Variants in ADRA1A observed in about 807,000 individuals in gnomAD.
ADRA1A encodes adrenoceptor alpha 1A.
In ADRA1A, 31 loss-of-function variants were observed where a neutral mutation model predicts 29.6. The ratio of observed to expected loss-of-function variants is 1.05; its 90% CI spans 0.79 to 1.41. ADRA1A has a LOEUF of 1.41. Ranked by LOEUF, ADRA1A falls within the 40% of genes most tolerant of loss-of-function variation. The probability of loss-of-function intolerance (pLI) is 0.00; values close to 1 mark genes in which losing one functional copy is unlikely to be tolerated. For missense variants in ADRA1A, 619 were observed against 601.1 expected (o/e 1.03, Z -0.31); for synonymous variants, 311 against 254.3 (o/e 1.22, Z -2.12).
At chr8:26,849,388 A>G (rs539144) in intron 2 of ADRA1A, among the ~76,000 whole-genome samples, 107,248 of 152,130 alleles carry the variant, frequency 0.7, 38,204 homozygotes, top group African/African-American at 0.78. Flanking sequence ...GTCAGCAGAC[A>G]AAGGAGGTTC....
At chr8:26,827,664 A>AT (rs1192219042) in intron 2 of ADRA1A, among the ~76,000 whole-genome samples, 3 of 146,254 alleles carry the variant, frequency 2.1e-5, no homozygotes, top group Non-Finnish European at 3.0e-5. Flanking sequence ...CAATTTATTT[A>AT]TTTTTTCTTA....
intron 2 of ADRA1A, among the ~76,000 whole-genome samples, chr8:26,832,373 G>C (rs964853535): frequency 6.6e-6 from 1 of 152,072 alleles, no homozygotes; most frequent in African/African-American, 2.4e-5. Flanking sequence ...TAGGTATAAA[G>C]GGACCTCTGT....
At chr8:26,802,311 T>C (rs1808642318) in intron 2 of ADRA1A, among the ~76,000 whole-genome samples, 1 of 152,132 alleles carries the variant, frequency 6.6e-6, no homozygotes, top group South Asian at 2.1e-4. Context: ...TGAGAAAATC[T>C]TTGCAAACTA....
chr8:26,867,331 C>T (rs1247791605), upstream of ADRA1A: 2 of 985,350 alleles, frequency 2.0e-6, no homozygotes, highest in South Asian at 4.7e-5. Context: ...TATTACTCTA[C>T]GGCAACAGGC....
At chr8:26,753,703 AT>A (rs11316182), downstream of ADRA1A, among the ~76,000 whole-genome samples, 4,111 of 152,302 alleles carry the variant, frequency 0.027, 178 homozygotes, top group African/African-American at 0.093. Context: ...TTTGCAAACT[AT>A]TACAATCTAC....
chr8:26,812,927 A>G (rs1809513861), intron 2 of ADRA1A, among the ~76,000 whole-genome samples: 1 of 151,860 alleles, frequency 6.6e-6, no homozygotes, highest in Non-Finnish European at 1.5e-5. Context: ...TGGCCTCCCA[A>G]AGTGCTGGGA....
At chr8:26,855,014 T>C (rs913031002) in intron 2 of ADRA1A, among the ~76,000 whole-genome samples, 1 of 152,186 alleles carries the variant, frequency 6.6e-6, no homozygotes, top group African/African-American at 2.4e-5. Flanking sequence ...AATCTGTTGG[T>C]ACATTGAGCT....
rs1034501258 is a variant in ADRA1A, at chr8:26,867,016, C to T, written c.-767G>A. The T allele has an allele frequency of 1.3e-5, 13 of 985,244 alleles. No individual in the cohort carries two copies. The highest frequency in any genetic ancestry group is 4.8e-6 in the Non-Finnish European group (4 of 829,998). 61.0% of individuals were successfully genotyped at this position (985,244 alleles called of 1,614,324 possible). On this transcript the variant is annotated 5_prime_UTR_variant, in exon 1 of 3. Transcript: ENST00000380573. ...CGGTCCCGGGAGCTGCCTGCCTGCT[C>T]TTCTCTGGAGGCGGAGAGGGGACCG...
At chr8:26,801,457 TCTATATGCCAACAGCAAACAGTTTGAA>T in intron 2 of ADRA1A, among the ~76,000 whole-genome samples, 1 of 152,252 alleles carries the variant, frequency 6.6e-6, no homozygotes, top group South Asian at 2.1e-4. Flanking sequence ...CAGCAGCATT[TCTATATGCCAACAGCAAACAGTTTGAA>T]AAAGATATTT....
At position 26,865,449 on chromosome 8, in the gene ADRA1A, G is replaced by A; in HGVS notation, c.-480C>T. The stretch of plus-strand genomic sequence containing the variant: ...TCTCCCTCAAACCAAAAGATCAGCC[G>A]TCGACGCTCAAAGGCAGGGACCGAT... On this transcript the variant is annotated 5_prime_UTR_variant, in exon 2 of 3. In the 5' UTR this introduces an upstream ATG that the reference lacks. Transcript: ENST00000380573. This position sits in a 1 kb window ranked among gnomAD's most constrained non-coding sequence, Gnocchi z 7.6. The A allele has an allele frequency of 8.0e-6, 8 of 1,002,062 alleles. No individual in the cohort carries two copies. The highest frequency in any genetic ancestry group is 9.5e-6 in the Non-Finnish European group (8 of 840,102). The allele number at this position is 1,002,062 out of a possible 1,614,324, so 62.1% of individuals were successfully genotyped here.
intron 2 of ADRA1A, chr8:26,859,006 C>T: frequency 8.3e-7 from 1 of 1,203,312 alleles, no homozygotes; most frequent in Admixed American, 3.4e-5. Flanking sequence ...ACAGGAAGGA[C>T]CTTTGCAGTC....
intron 2 of ADRA1A, among the ~76,000 whole-genome samples, chr8:26,862,352 A>G (rs1027486392): frequency 6.6e-6 from 1 of 152,036 alleles, no homozygotes; most frequent in Non-Finnish European, 1.5e-5. Context: ...GCAGGCCCTC[A>G]TTGTCTTTGT....
At chr8:26,856,602 C>T (rs1448380448) in intron 2 of ADRA1A, among the ~76,000 whole-genome samples, 1 of 152,102 alleles carries the variant, frequency 6.6e-6, no homozygotes, top group Non-Finnish European at 1.5e-5. Context: ...ACGTTCTCTT[C>T]CCTCCCTCCC....
intron 2 of ADRA1A, among the ~76,000 whole-genome samples, chr8:26,790,982 A>C (rs1807774142): frequency 1.3e-5 from 2 of 152,156 alleles, no homozygotes; most frequent in African/African-American, 4.8e-5. Context: ...ATATAGGTGC[A>C]TGTGTACACA....
chr8:26,797,189 T>G (rs926258595), intron 2 of ADRA1A, among the ~76,000 whole-genome samples: 66 of 152,328 alleles, frequency 4.3e-4, no homozygotes, highest in African/African-American at 1.6e-3. Context: ...TGCAAAAATG[T>G]AGAACAATAT....
intron 2 of ADRA1A, among the ~76,000 whole-genome samples, chr8:26,816,436 C>T (rs1339039522): frequency 6.6e-6 from 1 of 152,202 alleles, no homozygotes; most frequent in East Asian, 1.9e-4. Flanking sequence ...CACCCATGTG[C>T]TGCCCCTGGA....
chr8:26,862,891 G>A (rs1179445411), intron 2 of ADRA1A, among the ~76,000 whole-genome samples: 1 of 152,186 alleles, frequency 6.6e-6, no homozygotes, highest in Non-Finnish European at 1.5e-5. Context: ...GGTGGCTATG[G>A]TATTAGAACC....
rs1273391133 is a variant in ADRA1A at position 26,864,050 on chromosome 8, C to T, written c.883+37G>A. On this transcript the variant is annotated intron_variant, in intron 2 of 2. Coordinates refer to ENST00000380573, the MANE Select transcript of ADRA1A (RefSeq NM_000680.4). This position sits in a 1 kb window ranked among gnomAD's most constrained non-coding sequence, Gnocchi z 8.1. ...TAACAGAAGCCGAGGAGGGTGAAGA[C>T]CCCCAGATGCTAAAGTGAGGGGTGT... 2 of 1,577,028 alleles carry T rather than the reference C, an allele frequency of 1.3e-6. No individual in the cohort carries two copies. The highest frequency in any genetic ancestry group is 8.6e-7 in the Non-Finnish European group (1 of 1,162,600).
chr8:26,850,494 C>CTT (rs143885062), intron 2 of ADRA1A, among the ~76,000 whole-genome samples: 1 of 152,130 alleles, frequency 6.6e-6, no homozygotes, highest in African/African-American at 2.4e-5. Flanking sequence ...TTGCTTATAT[C>CTT]TTTTTTGTTG....
Sources: gnomAD v4.1 joint callset for allele counts (sites outside exome capture counted in the v4.1 genomes callset) on GRCh38, gnomAD v4.1.1 for gene constraint, Gnocchi (gnomAD v3.1) non-coding constraint, MANE v1.5 for transcripts, NCBI Gene and HGNC (gene_info 2026-07-23, HGNC 2026-07-21) for gene names.